The following IL4I1 variants were observed in gnomAD, a reference collection of about 807,000 sequenced individuals.
IL4I1 encodes the protein interleukin 4 induced 1.
A neutral mutation model predicts 29.7 loss-of-function variants in IL4I1; 24 were observed. That is an observed-to-expected ratio of 0.81 (90% CI 0.59 to 1.14). The LOEUF is 1.14. Ranked by LOEUF, IL4I1 falls within the 50% of genes most tolerant of loss-of-function variation. IL4I1 has a pLI of 0.00. For synonymous variants in IL4I1, 371 were observed against 352.5 expected (o/e 1.05, Z -0.59); for missense variants, 686 against 785.6 (o/e 0.87, Z 1.52).
At chr19:49,909,106 G>C in intron 2 of IL4I1, 1 of 1,612,484 alleles carries the variant, frequency 6.2e-7, no homozygotes, top group Non-Finnish European at 8.5e-7. Context: ...AGAGTCCAGT[G>C]GTGGCAGATG....
chr19:49,906,241 C>G (rs925219525), intron 2 of IL4I1, among the ~76,000 whole-genome samples: 2 of 151,848 alleles, frequency 1.3e-5, no homozygotes, highest in African/African-American at 4.8e-5. Flanking sequence ...CAGAGTCTTG[C>G]TCTGTCGCCC....
chr19:49,896,034 G>C lies in IL4I1; in HGVS notation c.33C>G (p.Leu11=). Residue 11 remains leucine, a synonymous_variant, in exon 3 of 8, where the codon CTC becomes CTG. Transcript: ENST00000391826. ...CCACCAGGCTGAGGAGGATGGGGAC[G>C]AGGACGAGGAGGTGCAGGGCTGGGA... MAPLALHLLV[L]VPILLSLVAS... is the part of the protein sequence containing the mutation. The C allele has an allele frequency of 6.2e-7, 1 of 1,614,052 alleles. No homozygotes were observed.
chr19:49,927,844 C>A (rs2075940957), intron 1 of IL4I1: 1 of 152,266 alleles, frequency 6.6e-6, no homozygotes, highest in Admixed American at 6.5e-5. Flanking sequence ...GGACATCCAC[C>A]TCGGCTGGTG....
intron 2 of IL4I1, among the ~76,000 whole-genome samples, chr19:49,913,883 A>G (rs1600519726): frequency 6.6e-6 from 1 of 152,100 alleles, no homozygotes; most frequent in Admixed American, 6.6e-5. Context: ...GGCGGACTTT[A>G]TGGGTGTGGG....
intron 2 of IL4I1, 33 bp from the exon 3 acceptor site, chr19:49,896,086 TG>T (rs2075204921): frequency 6.3e-7 from 1 of 1,599,392 alleles, no homozygotes; most frequent in Non-Finnish European, 8.5e-7. Context: ...AACGGGGTTG[TG>T]GCAGGTCGGG....
chr19:49,895,861 AC>A lies in IL4I1; in HGVS notation c.205del (p.Val69TrpfsTer67). The A allele has an allele frequency of 1.9e-6, 3 of 1,613,898 alleles. No individual in the cohort carries two copies. Among genetic ancestry groups the A allele is most frequent in the Non-Finnish European group, 2.5e-6 (3 of 1,179,884 alleles). On this transcript the variant is annotated frameshift_variant, in exon 3 of 8. Transcript: ENST00000391826. LOFTEE classifies it high-confidence loss of function. ...PQRVIVVGAG[V>X]AGLVAAKVLS... is the part of the protein sequence containing the mutation. Reference sequence around the variant, plus strand: ...CACCTTGGCGGCCACCAGCCCGGCCACACCAGCGCCAACCACAATCACCCTC... The same window carrying A: ...CACCTTGGCGGCCACCAGCCCGGCCAACCAGCGCCAACCACAATCACCCTC...
chr19:49,890,932 CCCCG>C, intron 7 of IL4I1, 35 bp downstream of exon 7: 1 of 412,326 alleles, frequency 2.4e-6, no homozygotes, highest in Non-Finnish European at 4.0e-6. Context: ...CCTGATTGCC[CCCCG>C]CCCCCCCCCC....
chr19:49,903,175 A>G (rs1364599783), intron 3 of IL4I1, among the ~76,000 whole-genome samples: 1 of 152,060 alleles, frequency 6.6e-6, no homozygotes, highest in Non-Finnish European at 1.5e-5. Flanking sequence ...CACAGTCCAT[A>G]TTGCATTTGA....
intron 2 of IL4I1, among the ~76,000 whole-genome samples, chr19:49,920,221 T>C (rs1032961148): frequency 1.3e-5 from 2 of 152,226 alleles, no homozygotes; most frequent in Non-Finnish European, 2.9e-5. Context: ...TAGCTGGGAC[T>C]ACAGGCGCGT....
intron 2 of IL4I1, chr19:49,910,025 C>A: frequency 1.6e-6 from 1 of 632,862 alleles, no homozygotes; most frequent in Non-Finnish European, 2.9e-6. Flanking sequence ...TCTGCTACAT[C>A]GAGAAGGATC....
chr19:49,901,749 G>T (rs369086783), upstream of IL4I1: 7 of 1,470,878 alleles, frequency 4.8e-6, no homozygotes, highest in East Asian at 2.6e-5. Flanking sequence ...TGGTGGCTTT[G>T]TCCTTGTTAG....
At chr19:49,891,182 C>T (rs564900006) in intron 6 of IL4I1, 75 bp from the exon 7 acceptor site, 1 of 1,563,826 alleles carries the variant, frequency 6.4e-7, no homozygotes, top group African/African-American at 1.4e-5. Flanking sequence ...GCAGCTGGGC[C>T]TCCTGGTCCC....
intron 2 of IL4I1, chr19:49,908,929 A>C: frequency 3.1e-6 from 5 of 1,608,342 alleles, no homozygotes; most frequent in Non-Finnish European, 4.2e-6. Context: ...GTGGTTTTAA[A>C]TTCAAGGCAA....
chr19:49,896,193 G>A lies in IL4I1; in HGVS notation c.-22-11C>T, dbSNP rs375416353. 2 of 1,496,368 alleles carry A rather than the reference G, an allele frequency of 1.3e-6. No individual in the cohort carries two copies. The highest frequency in any genetic ancestry group is 8.9e-7 in the Non-Finnish European group (1 of 1,119,990). 92.7% of individuals were successfully genotyped at this position (1,496,368 alleles called of 1,614,324 possible). ...GGTGGGAGATGGTGTCTGGGGTGGA[G>A]GAGAAGGGAGGGCTGTTGTGACTGA... On this transcript the variant is annotated splice_polypyrimidine_tract_variant and intron_variant, in intron 1 of 7. Transcript: ENST00000391826.
chr19:49,901,672 C>T (rs2075273290), upstream of IL4I1: 1 of 1,540,252 alleles, frequency 6.5e-7, no homozygotes, highest in African/African-American at 1.4e-5. Flanking sequence ...CTCTCAGCAC[C>T]CATGGCCTTT....
chr19:49,915,691 G>C (rs2075605611), intron 2 of IL4I1, among the ~76,000 whole-genome samples: 1 of 152,228 alleles, frequency 6.6e-6, no homozygotes, highest in Admixed American at 6.5e-5. Flanking sequence ...TGAGAAAGGG[G>C]CTGGGGTCAG....
At chr19:49,896,810 C>A in intron 1 of IL4I1, 25 bp downstream of exon 1, 5 of 985,922 alleles carry the variant, frequency 5.1e-6, no homozygotes, top group Non-Finnish European at 6.0e-6. Flanking sequence ...TCTCTCTGTC[C>A]CCCCACCACT....
intron 2 of IL4I1, among the ~76,000 whole-genome samples, chr19:49,914,058 A>T (rs2075554894): frequency 6.6e-6 from 1 of 152,170 alleles, no homozygotes; most frequent in Admixed American, 6.5e-5. Context: ...GTCCAGGTTA[A>T]CAGTGACAGG....
At chr19:49,916,501 C>CGGT (rs2075627289) in intron 2 of IL4I1, among the ~76,000 whole-genome samples, 3 of 151,122 alleles carry the variant, frequency 2.0e-5, no homozygotes. Context: ...AGGCCAGGCG[C>CGGT]GGTGGCTCAC....
Sources: allele counts gnomAD v4.1 joint callset (sites outside exome capture counted in the v4.1 genomes callset), GRCh38; gene constraint gnomAD v4.1.1; transcripts MANE v1.5; gene names NCBI Gene and HGNC (gene_info 2026-07-23, HGNC 2026-07-21).